The following MOB1B variants were observed in gnomAD, a reference collection of about 807,000 sequenced individuals.
MOB1B encodes the protein MOB1 Mps One Binder homolog B.
MOB1B carries 19 observed loss-of-function variants against 24.4 expected under a neutral mutation model. That is an observed-to-expected ratio of 0.78 (90% CI 0.54 to 1.14). The LOEUF (loss-of-function observed/expected upper bound fraction) is 1.14. Among genes scored for constraint, MOB1B ranks in the 50% most tolerant of loss-of-function variants. The pLI, the probability that MOB1B is intolerant of heterozygous loss-of-function variation, is 0.00. For missense variants in MOB1B, 243 were observed against 259.6 expected (o/e 0.94, Z 0.44); for synonymous variants, 76 against 82.1 (o/e 0.93, Z 0.40).
At chr4:70,915,020 T>A (rs915542487) in intron 1 of MOB1B, among the ~76,000 whole-genome samples, 2 of 152,226 alleles carry the variant, frequency 1.3e-5, no homozygotes, top group African/African-American at 4.8e-5. Context: ...AGATACTGAA[T>A]GTAGAAGACT....
At chr4:70,941,018 T>C (rs1737311684) in intron 1 of MOB1B, among the ~76,000 whole-genome samples, 1 of 152,194 alleles carries the variant, frequency 6.6e-6, no homozygotes, top group Non-Finnish European at 1.5e-5. Context: ...CAGCTTTGAA[T>C]TTAGGATTTG....
chr4:70,918,889 TAGCAA>T (rs1736305964), intron 1 of MOB1B, among the ~76,000 whole-genome samples: 1 of 152,082 alleles, frequency 6.6e-6, no homozygotes, highest in African/African-American at 2.4e-5. Flanking sequence ...CTATTCACAA[TAGCAA>T]AGACTTGGAA....
intron 2 of MOB1B, among the ~76,000 whole-genome samples, chr4:70,963,178 C>T (rs753888082): frequency 6.6e-6 from 1 of 152,008 alleles, no homozygotes; most frequent in Non-Finnish European, 1.5e-5. Context: ...GCTATCTAGG[C>T]AACATAGCAA....
chr4:70,941,281 C>CT (rs1202332860), intron 1 of MOB1B, among the ~76,000 whole-genome samples: 1 of 151,560 alleles, frequency 6.6e-6, no homozygotes, highest in African/African-American at 2.4e-5. Context: ...GTACTATACT[C>CT]TAATTTCTGC....
chr4:70,925,860 T>G (rs747233345), intron 1 of MOB1B, among the ~76,000 whole-genome samples: 32 of 152,200 alleles, frequency 2.1e-4, no homozygotes, highest in African/African-American at 6.0e-4. Flanking sequence ...ACACTTGCAA[T>G]TATTTTCTTG....
At chr4:70,916,423 A>AT (rs1213583443) in intron 1 of MOB1B, among the ~76,000 whole-genome samples, 5 of 152,178 alleles carry the variant, frequency 3.3e-5, no homozygotes, top group African/African-American at 1.2e-4. Context: ...AGAGACTATT[A>AT]TTATGACTAT....
rs139757338 is a variant in MOB1B, at chr4:70,949,556, G to A, written c.15-9318G>A. ...AATTTTACTTTTTCTTACTGGCAGA[G>A]TATGTGCTAAGTATTCATATAAATT... On this transcript the variant is annotated intron_variant, in intron 1 of 5. Transcript: ENST00000309395. 1.6e-4 allele frequency among the ~76,000 whole-genome samples: 24 copies of A among 152,310 alleles called. No individual in the cohort carries two copies. The East Asian group carries it at 4.6e-3, about 29-fold the overall frequency.
At chr4:70,913,584 C>T (rs939611157) in intron 1 of MOB1B, among the ~76,000 whole-genome samples, 5 of 152,078 alleles carry the variant, frequency 3.3e-5, no homozygotes, top group African/African-American at 1.2e-4. Context: ...CGCCACCGTG[C>T]CCAGGTGATG....
chr4:70,919,169 G>A (rs999223792), intron 1 of MOB1B, among the ~76,000 whole-genome samples: 3 of 151,584 alleles, frequency 2.0e-5, no homozygotes, highest in African/African-American at 4.9e-5. Flanking sequence ...GGGGTGGGGG[G>A]AGCGGGGAGG....
intron 2 of MOB1B, among the ~76,000 whole-genome samples, chr4:70,966,673 C>T (rs767442458): frequency 3.3e-5 from 5 of 151,816 alleles, no homozygotes; most frequent in East Asian, 3.9e-4. Flanking sequence ...TGTGCCTGGC[C>T]GAGTCCCACT....
intron 1 of MOB1B, among the ~76,000 whole-genome samples, chr4:70,921,761 C>T (rs1411754127): frequency 6.6e-6 from 1 of 152,082 alleles, no homozygotes; most frequent in Non-Finnish European, 1.5e-5. Context: ...CCCACCTTGG[C>T]CTCCCAAAGT....
At chr4:70,920,317 C>T (rs1033626457) in intron 1 of MOB1B, among the ~76,000 whole-genome samples, 39 of 152,170 alleles carry the variant, frequency 2.6e-4, no homozygotes, top group Non-Finnish European at 4.4e-5. Flanking sequence ...CCTCTGCCTC[C>T]TGGGTTCATG....
chr4:70,912,627 A>G (rs775476697), intron 1 of MOB1B, among the ~76,000 whole-genome samples: 5 of 152,300 alleles, frequency 3.3e-5, no homozygotes, highest in African/African-American at 9.6e-5. Context: ...GTTGCAAAGA[A>G]CAGTGCAAAG....
chr4:70,974,304 A>G (rs749097634), intron 3 of MOB1B, among the ~76,000 whole-genome samples: 2 of 152,062 alleles, frequency 1.3e-5, no homozygotes, highest in Non-Finnish European at 2.9e-5. Context: ...GGGTTTCACC[A>G]TGTTGGCCAG....
At chr4:70,951,649 G>A (rs1737809882) in intron 1 of MOB1B, among the ~76,000 whole-genome samples, 1 of 152,262 alleles carries the variant, frequency 6.6e-6, no homozygotes, top group African/African-American at 2.4e-5. Flanking sequence ...TGTATTCCCA[G>A]CACTTTGGGA....
At chr4:70,930,006 C>G (rs1263894973) in intron 1 of MOB1B, among the ~76,000 whole-genome samples, 3 of 152,152 alleles carry the variant, frequency 2.0e-5, no homozygotes, top group African/African-American at 4.8e-5. Context: ...TCACCCGTCT[C>G]AGCCTCCCAA....
chr4:70,904,818 A>G lies in MOB1B; in HGVS notation c.14+2268A>G, dbSNP rs1023365315. On this transcript the variant is annotated intron_variant, in intron 1 of 5. Coordinates refer to ENST00000309395, the MANE Select transcript of MOB1B (RefSeq NM_173468.4). ...AGCCATATTTGGCTGAAACTAGGGG[A>G]TGGAGAAGTTTCTGATGCTATTTTT... Among the ~76,000 whole-genome samples the G allele has an allele frequency of 4.0e-5, 6 of 151,278 alleles. No individual in the cohort carries two copies. The East Asian group carries it at 1.2e-3, about 29-fold the overall frequency.
intron 1 of MOB1B, among the ~76,000 whole-genome samples, chr4:70,919,921 T>C (rs960998026): frequency 6.6e-6 from 1 of 152,232 alleles, no homozygotes; most frequent in Non-Finnish European, 1.5e-5. Context: ...TGACTCCACA[T>C]GTCCCCAGGC....
chr4:70,946,951 A>G (rs985349430), intron 1 of MOB1B, among the ~76,000 whole-genome samples: 1 of 152,212 alleles, frequency 6.6e-6, no homozygotes, highest in Non-Finnish European at 1.5e-5. Context: ...CTTTCACATT[A>G]TATTGAGCGT....
Sources: allele counts gnomAD v4.1 joint callset (sites outside exome capture counted in the v4.1 genomes callset), GRCh38; gene constraint gnomAD v4.1.1; transcripts MANE v1.5; gene names NCBI Gene and HGNC (gene_info 2026-07-23, HGNC 2026-07-21).